ULK4: variants seen among roughly 807,000 people sequenced by gnomAD.
ULK4 encodes unc-51 like kinase 4.
Under a neutral mutation model 160.6 loss-of-function variants are expected in ULK4, and 133 were observed. That is an observed-to-expected ratio of 0.83 (90% CI 0.72 to 0.96). The LOEUF is 0.96. Ranked by LOEUF, ULK4 falls within the 40% of genes least tolerant of loss-of-function variation. The probability of loss-of-function intolerance (pLI) is 0.00; values close to 1 mark genes in which losing one functional copy is unlikely to be tolerated. For missense variants in ULK4, 1,580 were observed against 1,499.5 expected, an observed-to-expected ratio of 1.05 and a Z score of -0.89; for synonymous variants, 534 against 539.8, an observed-to-expected ratio of 0.99 and a Z score of 0.15.
At chr3:41,249,650 AG>A in intron 35 of ULK4, 76 bp from the exon 36 acceptor site, 1 of 1,459,378 alleles carries the variant, frequency 6.9e-7, no homozygotes, top group Non-Finnish European at 9.4e-7. Flanking sequence ...GGGCACCCTG[AG>A]TATCAGGCCT....
intron 21 of ULK4, among the ~76,000 whole-genome samples, chr3:41,755,834 T>G (rs1339522317): frequency 1.3e-5 from 2 of 152,228 alleles, no homozygotes; most frequent in Non-Finnish European, 2.9e-5. Context: ...CTAACAATAC[T>G]GAATCAATGT....
At chr3:41,458,782 GTCTC>G (rs1244765344) in intron 33 of ULK4, among the ~76,000 whole-genome samples, 1 of 152,146 alleles carries the variant, frequency 6.6e-6, no homozygotes. Context: ...TTGAGATGCA[GTCTC>G]TCTCTTTCAT....
chr3:41,684,651 T>C (rs999555842), intron 27 of ULK4, among the ~76,000 whole-genome samples: 1 of 152,332 alleles, frequency 6.6e-6, no homozygotes, highest in Non-Finnish European at 1.5e-5. Flanking sequence ...TTGTCATCTT[T>C]TGCTATCTTA....
intron 32 of ULK4, among the ~76,000 whole-genome samples, chr3:41,547,815 A>G (rs2086915784): frequency 6.6e-6 from 1 of 152,210 alleles, no homozygotes; most frequent in African/African-American, 2.4e-5. Flanking sequence ...TAATGTGGCC[A>G]GTTTCCAGCA....
intron 1 of ULK4, among the ~76,000 whole-genome samples, chr3:41,959,650 C>A (rs1022711261): frequency 6.6e-6 from 1 of 152,068 alleles, no homozygotes; most frequent in Non-Finnish European, 1.5e-5. Context: ...TAAAAAGAAC[C>A]AATCCTGGCC....
At chr3:41,435,078 TAA>T (rs971549647) in intron 34 of ULK4, among the ~76,000 whole-genome samples, 2 of 152,216 alleles carry the variant, frequency 1.3e-5, no homozygotes, top group African/African-American at 4.8e-5. Flanking sequence ...ACCATAATTA[TAA>T]AAAGTTATGA....
chr3:41,744,698 G>A (rs1284920365), intron 22 of ULK4, among the ~76,000 whole-genome samples: 1 of 151,868 alleles, frequency 6.6e-6, no homozygotes, highest in Non-Finnish European at 1.5e-5. Flanking sequence ...TCTAAACAAC[G>A]CAATGAAACA....
chr3:41,381,168 C>T (rs934864979), intron 35 of ULK4, among the ~76,000 whole-genome samples: 1 of 152,344 alleles, frequency 6.6e-6, no homozygotes, highest in Admixed American at 6.5e-5. Flanking sequence ...TTATCGAGTG[C>T]TTGGTCATTT....
intron 34 of ULK4, among the ~76,000 whole-genome samples, chr3:41,430,559 A>G (rs1330741991): frequency 6.6e-6 from 1 of 152,212 alleles, no homozygotes; most frequent in Non-Finnish European, 1.5e-5. Flanking sequence ...TACAGCTACA[A>G]TGAAATTGTT....
intron 32 of ULK4, among the ~76,000 whole-genome samples, chr3:41,563,275 C>G (rs1010917499): frequency 6.6e-6 from 1 of 152,208 alleles, no homozygotes; most frequent in Non-Finnish European, 1.5e-5. Flanking sequence ...ACCTTTCTCT[C>G]TGGCTGCCCT....
rs190273313 is a variant in ULK4 at position 41,642,838 on chromosome 3, C to T, written c.3071+20769G>A. Among the ~76,000 whole-genome samples, 70 of 152,344 alleles carry T rather than the reference C, an allele frequency of 4.6e-4. No individual in the cohort carries two copies. The East Asian group carries it at 0.013, about 28-fold the overall frequency. ...AAAAGTGTTCCTATTTCTCCACCTC[C>T]TCTCCAGCACCTGTTGTTTTCCTCA... On this transcript the variant is annotated intron_variant, in intron 30 of 36. Transcript: ENST00000301831.
At position 41,715,536 on chromosome 3, in the gene ULK4, C is replaced by T. The variant is rs2037238480; in HGVS notation, c.2488G>A (p.Gly830Arg). The T allele has an allele frequency of 1.2e-6, 2 of 1,613,928 alleles. No homozygotes were observed. Among genetic ancestry groups the T allele is most frequent in the Non-Finnish European group, 8.5e-7 (1 of 1,180,014 alleles). Reference sequence around the variant, plus strand: ...TGAACTGTTGATGGGTGTTTACGTCCAGAAACATTAGCCAAGGAGTTAAGA... The same window carrying T: ...TGAACTGTTGATGGGTGTTTACGTCTAGAAACATTAGCCAAGGAGTTAAGA... ...DILNSLANVS[G>R]RKHPSTVQVK... The change falls in exon 24 of 37, where the codon GGA (glycine) becomes AGA (arginine). Residue 830 changes from glycine (G) to arginine (R), a missense_variant. Gly to Arg is a moderately radical substitution (Grantham distance 125). Coordinates refer to ENST00000301831, the MANE Select transcript of ULK4 (RefSeq NM_017886.4).
rs1309022230 is a variant in ULK4, at chr3:41,681,667, A to C, written c.2834-15T>G. 6.2e-7 allele frequency: 1 copy of C among 1,612,968 alleles called. No individual in the cohort carries two copies. Among genetic ancestry groups the C allele is most frequent in the Admixed American group, 1.7e-5 (1 of 59,772 alleles). The stretch of plus-strand genomic sequence containing the variant: ...TCTCCACTCCACTTGAAAGAAAAAA[A>C]AAATGCCAAGAATGTGACTCCATGG... On this transcript the variant is annotated splice_polypyrimidine_tract_variant and intron_variant, in intron 28 of 36. Transcript: ENST00000301831.
rs140240481 is a variant in ULK4, at chr3:41,764,347, G to C, written c.2194-9859C>G. Among the ~76,000 whole-genome samples the C allele has an allele frequency of 3.1e-3, 474 of 152,190 alleles. 1 individual carries two copies. The highest frequency in any genetic ancestry group is 0.011 in the African/African-American group (450 of 41,518). Reference sequence around the variant, plus strand: ...TTTTCTTTTTGGGATGCCTAGTAAAGTAACTAGATAACCATAAAGATTGAA... The same window carrying C: ...TTTTCTTTTTGGGATGCCTAGTAAACTAACTAGATAACCATAAAGATTGAA... On this transcript the variant is annotated intron_variant, in intron 21 of 36. Transcript: ENST00000301831.
At chr3:41,332,741 A>T (rs905323926) in intron 35 of ULK4, among the ~76,000 whole-genome samples, 8 of 152,118 alleles carry the variant, frequency 5.3e-5, no homozygotes, top group Non-Finnish European at 1.2e-4. Flanking sequence ...GGTATGATTG[A>T]TCTTGTCACC....
intron 27 of ULK4, among the ~76,000 whole-genome samples, chr3:41,684,088 C>T (rs1439375886): frequency 6.6e-6 from 1 of 152,172 alleles, no homozygotes; most frequent in Non-Finnish European, 1.5e-5. Context: ...ACCTACGCTT[C>T]CACCAAAAAA....
chr3:41,611,698 C>T (rs537347392), intron 31 of ULK4, among the ~76,000 whole-genome samples: 54 of 152,274 alleles, frequency 3.5e-4, no homozygotes, highest in Middle Eastern at 3.4e-3. Context: ...AAACCTGTAG[C>T]CAATCAGCCT....
intron 21 of ULK4, among the ~76,000 whole-genome samples, chr3:41,785,582 CA>C (rs1314099199): frequency 3.3e-5 from 5 of 152,030 alleles, no homozygotes; most frequent in East Asian, 3.9e-4. Context: ...TCAATCCCGC[CA>C]AAAAACAACA....
chr3:41,400,773 G>T (rs1026295352), intron 34 of ULK4, among the ~76,000 whole-genome samples: 3 of 152,096 alleles, frequency 2.0e-5, no homozygotes, highest in Non-Finnish European at 4.4e-5. Context: ...CAGCTGTAGC[G>T]TTTTACCTTT....
Sources: allele counts gnomAD v4.1 joint callset (sites outside exome capture counted in the v4.1 genomes callset), GRCh38; gene constraint gnomAD v4.1.1; transcripts MANE v1.5; gene names NCBI Gene and HGNC (gene_info 2026-07-23, HGNC 2026-07-21).